Variants in COL15A1 observed in about 807,000 individuals in gnomAD.
The protein encoded by COL15A1 is collagen type XV alpha 1 chain.
Under a neutral mutation model 165.9 loss-of-function variants are expected in COL15A1, and 111 were observed. The ratio of observed to expected loss-of-function variants is 0.67; its 90% CI spans 0.57 to 0.78. The LOEUF is 0.78. COL15A1 is among the 30% of genes least tolerant of loss of function. The pLI, the probability that COL15A1 is intolerant of heterozygous loss-of-function variation, is 0.00. For synonymous variants in COL15A1, 659 were observed against 674.8 expected (o/e 0.98, Z 0.36); for missense variants, 1,745 against 1,789.7 (o/e 0.98, Z 0.45).
intron 9 of COL15A1, among the ~76,000 whole-genome samples, chr9:99,013,202 C>G (rs1838874301): frequency 6.6e-6 from 1 of 151,966 alleles, no homozygotes; most frequent in Non-Finnish European, 1.5e-5. Flanking sequence ...TGCAGGGTGA[C>G]CAGCTCCTAT....
intron 6 of COL15A1, among the ~76,000 whole-genome samples, chr9:98,998,367 G>C (rs138403449): frequency 4.4e-4 from 67 of 152,304 alleles, no homozygotes; most frequent in African/African-American, 1.4e-3. Flanking sequence ...GTCAGAGAAA[G>C]TATAGAGAAC....
intron 33 of COL15A1, 41 bp downstream of exon 33, chr9:99,055,192 G>A: frequency 6.2e-7 from 1 of 1,601,160 alleles, no homozygotes; most frequent in South Asian, 1.1e-5. Context: ...TGTTTTTCAG[G>A]TTTTGGTTTA....
intron 40 of COL15A1, among the ~76,000 whole-genome samples, chr9:99,068,334 G>T (rs569594737): frequency 6.6e-6 from 1 of 152,158 alleles, no homozygotes. Flanking sequence ...GTATGGTGGT[G>T]CATGCCTGTA....
chr9:99,002,084 C>T (rs1260459282), intron 7 of COL15A1, among the ~76,000 whole-genome samples: 2 of 150,024 alleles, frequency 1.3e-5, no homozygotes, highest in Non-Finnish European at 3.0e-5. Context: ...CCCCTCCCCT[C>T]CTCTCCCCTT....
intron 2 of COL15A1, among the ~76,000 whole-genome samples, chr9:98,946,813 T>C (rs1317837904): frequency 1.3e-5 from 2 of 152,218 alleles, no homozygotes; most frequent in African/African-American, 4.8e-5. Context: ...AGGCACAGTC[T>C]TTTGCCCAAG....
Position 98,963,836 on chromosome 9 carries a change from G to C in COL15A1, c.100+19586G>C, listed in dbSNP as rs148826971. On this transcript the variant is annotated intron_variant, in intron 2 of 41. Coordinates refer to ENST00000375001, the MANE Select transcript of COL15A1 (RefSeq NM_001855.5). ...AGTGCTGAGCCATCCATCCCACAAA[G>C]TTAAGGTCATGCCCATCCCGTTCAC... Among the ~76,000 whole-genome samples, 16 of 152,310 alleles carry C rather than the reference G, an allele frequency of 1.1e-4. No individual in the cohort carries two copies. The East Asian group carries it at 2.1e-3, about 20-fold the overall frequency.
In COL15A1 at chr9:99,023,339, A is replaced by C; in HGVS notation, c.1762-18A>C. 6.3e-7 allele frequency: 1 copy of C among 1,584,896 alleles called. No individual in the cohort carries two copies. The highest frequency in any genetic ancestry group is 8.6e-7 in the Non-Finnish European group (1 of 1,165,362). On this transcript the variant is annotated intron_variant, in intron 13 of 41. Coordinates refer to ENST00000375001, the MANE Select transcript of COL15A1 (RefSeq NM_001855.5). Reference sequence around the variant, plus strand: ...CTGGCAGTTAAATGCAAGTAGTGGAAATTTCTTCTCTTTCCAGGCAGGAGC... The same window carrying C: ...CTGGCAGTTAAATGCAAGTAGTGGACATTTCTTCTCTTTCCAGGCAGGAGC...
chr9:98,985,820 A>G lies in COL15A1; in HGVS notation c.356A>G (p.Tyr119Cys). 6.2e-7 allele frequency: 1 copy of G among 1,613,828 alleles called. No homozygotes were observed. Among genetic ancestry groups the G allele is most frequent in the Non-Finnish European group, 8.5e-7 (1 of 1,180,026 alleles). ...ACTGACGCCTTCCAGAAGGTCATCT[A>G]CCTGGGCCTGCGGCTCTCAGGTGTG... ...AITDAFQKVIYLGLRLSGVED... is the reference protein window; with the variant it reads ...AITDAFQKVICLGLRLSGVED... Residue 119 changes from tyrosine (Y) to cysteine (C), a missense_variant, in exon 3 of 42, where the codon TAC becomes TGC. Tyr to Cys is a radical substitution (Grantham distance 194). Coordinates refer to ENST00000375001, the MANE Select transcript of COL15A1 (RefSeq NM_001855.5).
intron 5 of COL15A1, among the ~76,000 whole-genome samples, chr9:98,989,946 A>C (rs949711299): frequency 1.3e-5 from 2 of 152,178 alleles, no homozygotes; most frequent in African/African-American, 4.8e-5. Flanking sequence ...TTTTTAATGA[A>C]AACAGCAAGC....
chr9:98,992,018 C>T (rs1473444966), intron 5 of COL15A1, among the ~76,000 whole-genome samples: 2 of 152,276 alleles, frequency 1.3e-5, no homozygotes, highest in Non-Finnish European at 2.9e-5. Flanking sequence ...TAAAAGTTCT[C>T]CAAGTCCCCA....
intron 6 of COL15A1, among the ~76,000 whole-genome samples, chr9:98,998,848 C>T (rs1054258267): frequency 6.6e-6 from 1 of 152,222 alleles, no homozygotes; most frequent in Admixed American, 6.5e-5. Context: ...AGCAATGGAG[C>T]TAGCCAAAGT....
chr9:99,010,965 T>A (rs1838839136), intron 9 of COL15A1, among the ~76,000 whole-genome samples: 2 of 150,992 alleles, frequency 1.3e-5, no homozygotes, highest in Non-Finnish European at 3.0e-5. Flanking sequence ...AATACTCCTT[T>A]TAGATCTTTA....
intron 21 of COL15A1, among the ~76,000 whole-genome samples, chr9:99,036,830 C>T (rs1456564860): frequency 6.6e-6 from 1 of 152,230 alleles, no homozygotes; most frequent in African/African-American, 2.4e-5. Flanking sequence ...TCCTGCCAAT[C>T]AGACGGACTT....
At chr9:99,052,306 GC>G in intron 30 of COL15A1, 81 bp from the exon 31 acceptor site, 2 of 1,016,438 alleles carry the variant, frequency 2.0e-6, no homozygotes, top group Non-Finnish European at 3.1e-6. Flanking sequence ...TTTGTCACAT[GC>G]CCCCGGGACA....
At position 99,070,160 on chromosome 9, in the gene COL15A1, G is replaced by A. The variant is rs1051105; in HGVS notation, c.*274G>A. On this transcript the variant is annotated 3_prime_UTR_variant, in exon 42 of 42. Coordinates refer to ENST00000375001, the MANE Select transcript of COL15A1 (RefSeq NM_001855.5). ...GCATCCCAACATAGGTTAAGAGCAA[G>A]TTGAAAACAAAGGCCATGGCATTCT... is the stretch of plus-strand genomic sequence containing the variant. 0.28 allele frequency: 95,796 copies of A among 344,444 alleles called. 15,678 individuals are homozygous for A. The highest frequency in any genetic ancestry group is 0.61 in the East Asian group (10,965 of 17,978). The allele number at this position is 344,444 out of a possible 1,614,324, so 21.3% of individuals were successfully genotyped here.
In COL15A1 at chr9:98,950,533, TCCCTTCCCTTCCCTTCC is replaced by T; in HGVS notation, c.100+6286_100+6302del. 2.9e-5 allele frequency among the ~76,000 whole-genome samples: 3 copies of T among 104,302 alleles called. No homozygotes were observed. The Admixed American group carries it at 3.1e-4, about 11-fold the overall frequency. The allele number at this position is 104,302 out of a possible 152,430, so 68.4% of individuals were successfully genotyped here. On this transcript the variant is annotated intron_variant, in intron 2 of 41. Transcript: ENST00000375001. ...CCTTCCTTCCCTTCCCTTCCTTCCTTCCCTTCCCTTCCCTTCCCCTTCCTTCCTTCCTTCCTTCCTTC... is the reference window on the plus strand; with the variant it reads ...CCTTCCTTCCCTTCCCTTCCTTCCTTCCTTCCTTCCTTCCTTCCTTCCTTC...
intron 23 of COL15A1, 49 bp from the exon 24 acceptor site, chr9:99,041,996 C>A: frequency 8.4e-7 from 1 of 1,191,204 alleles, no homozygotes; most frequent in Non-Finnish European, 1.2e-6. Context: ...TTGGTTTATG[C>A]ATTTTAATCT....
At chr9:99,000,601 T>G (rs1169581851) in intron 6 of COL15A1, among the ~76,000 whole-genome samples, 1 of 152,190 alleles carries the variant, frequency 6.6e-6, no homozygotes, top group Non-Finnish European at 1.5e-5. Flanking sequence ...ATTCCCCATT[T>G]CTAGATAAGG....
chr9:99,006,326 A>G (rs1838761807), intron 9 of COL15A1, among the ~76,000 whole-genome samples: 1 of 152,268 alleles, frequency 6.6e-6, no homozygotes, highest in African/African-American at 2.4e-5. Flanking sequence ...TATTTTGTTC[A>G]TTGACATACT....
Sources: gnomAD v4.1 joint callset for allele counts (sites outside exome capture counted in the v4.1 genomes callset) on GRCh38, gnomAD v4.1.1 for gene constraint, MANE v1.5 for transcripts, NCBI Gene and HGNC (gene_info 2026-07-23, HGNC 2026-07-21) for gene names.